The following C16orf95 variants were observed in gnomAD, a reference collection of about 807,000 sequenced individuals.
The protein encoded by C16orf95 is uncharacterized protein C16orf95.
C16orf95 carries 41 observed loss-of-function variants against 32.1 expected under a neutral mutation model. The observed-to-expected ratio is 1.28, with a 90% CI of 1.00 to 1.66. The LOEUF is 1.66. C16orf95 is among the 40% of genes most tolerant of loss of function. The pLI, the probability that C16orf95 is intolerant of heterozygous loss-of-function variation, is 0.00. For synonymous variants in C16orf95, 147 were observed against 128.9 expected (o/e 1.14, Z -0.95); for missense variants, 399 against 325.9 (o/e 1.22, Z -1.73).
At chr16:87,314,840 A>G in intron 3 of C16orf95, 131 bp downstream of exon 3, 1 of 890,566 alleles carries the variant, frequency 1.1e-6, no homozygotes, top group Non-Finnish European at 1.6e-6. Context: ...TAAATAAATA[A>G]ATAATATCAA....
chr16:87,315,643 G>C, intron 2 of C16orf95, 129 bp downstream of exon 2: 1 of 720,752 alleles, frequency 1.4e-6, no homozygotes, highest in Non-Finnish European at 2.1e-6. Flanking sequence ...GATAGCTCCT[G>C]CAACCACACT....
chr16:87,306,093 C>T, intron 5 of C16orf95, 188 bp from the exon 6 acceptor site: 1 of 437,448 alleles, frequency 2.3e-6, no homozygotes, highest in South Asian at 6.4e-5. Flanking sequence ...TTTATGATAT[C>T]CTGGGTAACG....
rs1245533991 is a variant in C16orf95 at position 87,303,027 on chromosome 16, T to G, written c.*30A>C. On this transcript the variant is annotated 3_prime_UTR_variant, in exon 7 of 7. Transcript: ENST00000567970. The stretch of plus-strand genomic sequence containing the variant: ...CTTGATCGTGACACATTTTTGTGGC[T>G]GTTCTTGACAGTAGCTGAAGATTCC... The G allele has an allele frequency of 2.6e-6, 4 of 1,535,584 alleles. No individual in the cohort carries two copies. The highest frequency in any genetic ancestry group is 3.5e-6 in the Non-Finnish European group (4 of 1,146,502).
rs1182880392 is a variant in C16orf95 at position 87,315,024 on chromosome 16, C to T, written c.277G>A (p.Val93Met). 29 of 1,536,040 alleles carry T rather than the reference C, an allele frequency of 1.9e-5. No individual in the cohort carries two copies. The highest frequency in any genetic ancestry group is 2.3e-5 in the Non-Finnish European group (26 of 1,146,916). ...ACCCAGTAAGGCAGTGCTGCTTCCA[C>T]CCTGGACACAGGCAGGCGGCCCCCG... ...RFGGRLPVSR[V>M]EAALPYWVPL... is the part of the protein sequence containing the mutation. The change falls in exon 3 of 7, where the codon GTG becomes ATG. Residue 93 changes from valine (V) to methionine (M), a missense_variant. By Grantham distance (21) the Val-to-Met change is conservative. Transcript: ENST00000567970.
At chr16:87,308,364 C>G (rs367997282) in intron 5 of C16orf95, among the ~76,000 whole-genome samples, 2 of 152,102 alleles carry the variant, frequency 1.3e-5, no homozygotes, top group African/African-American at 4.8e-5. Flanking sequence ...ACCTGTAATC[C>G]CAGCTACTCA....
intron 6 of C16orf95, among the ~76,000 whole-genome samples, chr16:87,304,930 T>C (rs1355267615): frequency 6.6e-6 from 1 of 152,158 alleles, no homozygotes; most frequent in Admixed American, 6.5e-5. Context: ...AGCAAACAAG[T>C]AAATGCATGT....
At chr16:87,303,221 G>T (rs1369127548) in intron 6 of C16orf95, 146 bp from the exon 7 acceptor site, 3 of 792,434 alleles carry the variant, frequency 3.8e-6, no homozygotes, top group African/African-American at 3.4e-5. Context: ...GGCAGGGAAG[G>T]GGTGCAGGGA....
At position 87,309,372 on chromosome 16, in the gene C16orf95, C is replaced by CTTTTTTTTTTTTTT. The variant is rs10551847; in HGVS notation, c.514+911_514+924dup. Among the ~76,000 whole-genome samples, 48 of 86,040 alleles carry CTTTTTTTTTTTTTT rather than the reference C, an allele frequency of 5.6e-4. 3 individuals carry two copies. Among genetic ancestry groups the CTTTTTTTTTTTTTT allele is most frequent in the African/African-American group, 1.5e-3 (26 of 16,886 alleles). 56.4% of individuals were successfully genotyped at this position (86,040 alleles called of 152,430 possible). Reference sequence around the variant, plus strand: ...TATGCATTTTCTTTTTCTTTCTTTTCTTTTTTTTTTTTTTTTTTTTTTTTT... The same window carrying CTTTTTTTTTTTTTT: ...TATGCATTTTCTTTTTCTTTCTTTTCTTTTTTTTTTTTTTTTTTTTTTTTTTTTTTTTTTTTTTT... On this transcript the variant is annotated intron_variant, in intron 5 of 6. Transcript: ENST00000567970.
In C16orf95 at chr16:87,309,372, C is replaced by CTTTTTT. The variant is rs10551847; in HGVS notation, c.514+919_514+924dup. Among the ~76,000 whole-genome samples, 647 of 86,070 alleles carry CTTTTTT rather than the reference C, an allele frequency of 7.5e-3. 52 individuals are homozygous for CTTTTTT. The highest frequency in any genetic ancestry group is 0.011 in the African/African-American group (192 of 16,902). 56.5% of individuals were successfully genotyped at this position (86,070 alleles called of 152,430 possible). A position where few individuals can be genotyped will look rare whatever the true frequency, so the allele number is the denominator to read the frequency against. ...TATGCATTTTCTTTTTCTTTCTTTTCTTTTTTTTTTTTTTTTTTTTTTTTT... is the reference window on the plus strand; with the variant it reads ...TATGCATTTTCTTTTTCTTTCTTTTCTTTTTTTTTTTTTTTTTTTTTTTTTTTTTTT... On this transcript the variant is annotated intron_variant, in intron 5 of 6. Coordinates refer to ENST00000567970, the MANE Select transcript of C16orf95 (RefSeq NM_001195124.3).
At chr16:87,311,348 G>A (rs1030497769) in intron 3 of C16orf95, 52 bp from the exon 4 acceptor site, 2 of 1,458,040 alleles carry the variant, frequency 1.4e-6, no homozygotes, top group Non-Finnish European at 1.8e-6. Flanking sequence ...AGCCATGCCT[G>A]TCCCCAATGA....
intron 3 of C16orf95, 74 bp downstream of exon 3, chr16:87,314,891 CTTCTAA>C: frequency 8.3e-7 from 1 of 1,208,976 alleles, no homozygotes; most frequent in Admixed American, 2.7e-5. Flanking sequence ...TCATATAATA[CTTCTAA>C]TTCTGAGGGG....
intron 1 of C16orf95, 95 bp from the exon 2 acceptor site, chr16:87,315,918 C>G: frequency 1.2e-6 from 1 of 860,368 alleles, no homozygotes; most frequent in Non-Finnish European, 1.7e-6. Context: ...AGAACTGACT[C>G]TTAATAATAA....
At chr16:87,309,586 G>A (rs536953069) in intron 5 of C16orf95, among the ~76,000 whole-genome samples, 7 of 151,938 alleles carry the variant, frequency 4.6e-5, no homozygotes, top group Admixed American at 1.3e-4. Context: ...GTTTCACTAT[G>A]TTGCCCAGGC....
chr16:87,314,638 A>G (rs1904304170), intron 3 of C16orf95, among the ~76,000 whole-genome samples: 1 of 152,190 alleles, frequency 6.6e-6, no homozygotes, highest in Non-Finnish European at 1.5e-5. Context: ...CACATTGTAC[A>G]TTTGACACAC....
rs1313651540 is a variant in C16orf95, at chr16:87,305,845, A to G, written c.575T>C (p.Leu192Pro). Reference protein sequence around the residue: ...NCWRICGDECLLSKFQQLQAP... With the variant: ...NCWRICGDECPLSKFQQLQAP... Reference sequence around the variant, plus strand: ...CTGGAGCTGCTGGAACTTGGACAACAGGCACTCATCACCGCAGATCCGCCA... The same window carrying G: ...CTGGAGCTGCTGGAACTTGGACAACGGGCACTCATCACCGCAGATCCGCCA... The change falls in exon 6 of 7, where the codon CTG becomes CCG. Residue 192 changes from leucine (L) to proline (P), a missense_variant. By Grantham distance (98) the Leu-to-Pro change is moderately conservative. Transcript: ENST00000567970. This position sits in a 1 kb window ranked among gnomAD's most constrained non-coding sequence, Gnocchi z 4.2. The G allele has an allele frequency of 6.7e-7, 1 of 1,482,864 alleles. No homozygotes were observed. Among genetic ancestry groups the G allele is most frequent in the Non-Finnish European group, 8.9e-7 (1 of 1,122,838 alleles). 91.9% of individuals were successfully genotyped at this position (1,482,864 alleles called of 1,614,324 possible).
At chr16:87,309,866 T>A (rs549739465) in intron 5 of C16orf95, among the ~76,000 whole-genome samples, 5 of 152,308 alleles carry the variant, frequency 3.3e-5, no homozygotes, top group Non-Finnish European at 7.3e-5. Context: ...ATTATTATGT[T>A]TTGAATATAC....
In C16orf95 at chr16:87,317,136, A is replaced by C. The variant is rs912407026; in HGVS notation, c.107T>G (p.Val36Gly). 6.5e-7 allele frequency: 1 copy of C among 1,534,020 alleles called. No homozygotes were observed. The highest frequency in any genetic ancestry group is 1.4e-5 in the African/African-American group (1 of 73,010). Residue 36 changes from valine (V) to glycine (G), a missense_variant, in exon 1 of 7, where the codon GTC becomes GGC. Physicochemically the swap from Val to Gly is moderately radical, Grantham distance 109. Transcript: ENST00000567970. Reference protein sequence around the residue: ...AAAGGPGAGCVGLCRLALTPS... With the variant: ...AAAGGPGAGCGGLCRLALTPS... ...TGTGAGTGCCAACCTGCAGAGCCCG[A>C]CGCACCCCGCGCCCGGCCCCCCGGC... is the stretch of plus-strand genomic sequence containing the variant.
In C16orf95 at chr16:87,307,957, A is replaced by G. The variant is rs183006247; in HGVS notation, c.515-2052T>C. ...TAACTGAAGAAAATGGGTGCCCTTT[A>G]AAGATTTTTTAAGATTAGAAAAGAA... On this transcript the variant is annotated intron_variant, in intron 5 of 6. Coordinates refer to ENST00000567970, the MANE Select transcript of C16orf95 (RefSeq NM_001195124.3). 8.3e-4 allele frequency among the ~76,000 whole-genome samples: 127 copies of G among 152,272 alleles called. 1 individual carries two copies. The highest frequency in any genetic ancestry group is 3.0e-3 in the African/African-American group (124 of 41,556).
In C16orf95 at chr16:87,305,882, A is replaced by C; in HGVS notation, c.538T>G (p.Trp180Gly). Reference sequence around the variant, plus strand: ...CCGCAGATCCGCCAGCAGTTGTGCCAGCAGCATGCATCCAGCAGGGGTGCT... The same window carrying C: ...CCGCAGATCCGCCAGCAGTTGTGCCCGCAGCATGCATCCAGCAGGGGTGCT... ...IQAPLLDACC[W>G]HNCWRICGDE... The change falls in exon 6 of 7, where the codon TGG (tryptophan) becomes GGG (glycine). Residue 180 changes from tryptophan to glycine, a missense_variant. Coordinates refer to ENST00000567970, the MANE Select transcript of C16orf95 (RefSeq NM_001195124.3). The surrounding 1 kb of genome is among the most constrained non-coding windows in gnomAD (Gnocchi z 4.2). 2.1e-6 allele frequency: 3 copies of C among 1,438,906 alleles called. No individual in the cohort carries two copies. Among genetic ancestry groups the C allele is most frequent in the Non-Finnish European group, 2.7e-6 (3 of 1,099,532 alleles). 89.1% of individuals were successfully genotyped at this position (1,438,906 alleles called of 1,614,324 possible).
Sources: allele counts gnomAD v4.1 joint callset (sites outside exome capture counted in the v4.1 genomes callset), GRCh38; gene constraint gnomAD v4.1.1; non-coding constraint Gnocchi (gnomAD v3.1); transcripts MANE v1.5; gene names NCBI Gene and HGNC (gene_info 2026-07-23, HGNC 2026-07-21).